The following CATSPER3 variants were observed in gnomAD, a reference collection of about 807,000 sequenced individuals.
CATSPER3 encodes cation channel sperm-associated protein 3.
A neutral mutation model predicts 36.6 loss-of-function variants in CATSPER3; 23 were observed. That is an observed-to-expected ratio of 0.63 (90% CI 0.45 to 0.89). The LOEUF (loss-of-function observed/expected upper bound fraction) is 0.89. Among genes scored for constraint, CATSPER3 ranks in the 40% least tolerant of loss-of-function variants. CATSPER3 has a pLI of 0.00. For synonymous variants in CATSPER3, 172 were observed against 184.1 expected, an observed-to-expected ratio of 0.93 and a Z score of 0.53; for missense variants, 474 against 503.9, an observed-to-expected ratio of 0.94 and a Z score of 0.57.
chr5:135,000,495 GTA>G (rs1213927550), intron 3 of CATSPER3, among the ~76,000 whole-genome samples: 17 of 152,210 alleles, frequency 1.1e-4, no homozygotes, highest in Admixed American at 1.0e-3. Context: ...AGAAGGAATG[GTA>G]CCAGCTCCTC....
chr5:135,010,123 G>A (rs544280461), intron 6 of CATSPER3, among the ~76,000 whole-genome samples: 3 of 152,274 alleles, frequency 2.0e-5, no homozygotes, highest in Admixed American at 6.5e-5. Context: ...CCCAAGGTTC[G>A]TCCAGGGTTG....
chr5:134,978,324 G>T (rs1396241851), intron 2 of CATSPER3, among the ~76,000 whole-genome samples: 1 of 152,130 alleles, frequency 6.6e-6, no homozygotes, highest in Non-Finnish European at 1.5e-5. Flanking sequence ...TTATCACAAA[G>T]AAATGGCGTG....
At chr5:134,985,228 T>G (rs933480672) in intron 2 of CATSPER3, among the ~76,000 whole-genome samples, 1 of 152,204 alleles carries the variant, frequency 6.6e-6, no homozygotes, top group African/African-American at 2.4e-5. Context: ...ATATACACGA[T>G]GAAATACTAC....
At chr5:134,985,592 CA>C (rs966955100) in intron 2 of CATSPER3, among the ~76,000 whole-genome samples, 4 of 152,032 alleles carry the variant, frequency 2.6e-5, no homozygotes, top group Non-Finnish European at 4.4e-5. Flanking sequence ...CCCATGTAAC[CA>C]AAAACCATGT....
At chr5:134,973,962 A>G (rs1580902084) in intron 2 of CATSPER3, among the ~76,000 whole-genome samples, 2 of 152,222 alleles carry the variant, frequency 1.3e-5, no homozygotes, top group South Asian at 2.1e-4. Flanking sequence ...CTGAGTAAGC[A>G]TATAGTAGGT....
At chr5:135,008,200 G>A (rs1580916329) in intron 4 of CATSPER3, 61 bp downstream of exon 4, 7 of 1,400,630 alleles carry the variant, frequency 5.0e-6, no homozygotes, top group Non-Finnish European at 6.1e-6. Context: ...CCTAGGTGGT[G>A]CAAGCGTGTG....
rs913314268 is a variant in CATSPER3 at position 135,007,889 on chromosome 5, G to A, written c.493-68G>A. On this transcript the variant is annotated intron_variant, in intron 3 of 7. Transcript: ENST00000282611. Reference sequence around the variant, plus strand: ...GGACAGCTGTGAACTGGGCAGAATGGACCTCTGTCCCTGGAGCCCACCCAG... The same window carrying A: ...GGACAGCTGTGAACTGGGCAGAATGAACCTCTGTCCCTGGAGCCCACCCAG... The A allele has an allele frequency of 9.8e-6, 13 of 1,333,098 alleles. No homozygotes were observed. The African/African-American group carries it at 1.3e-4, about 14-fold the overall frequency. The allele number at this position is 1,333,098 out of a possible 1,614,324, so 82.6% of individuals were successfully genotyped here. A position where few individuals can be genotyped will look rare whatever the true frequency, so the allele number is the denominator to read the frequency against.
At chr5:134,971,453 G>C (rs1287297022) in intron 2 of CATSPER3, among the ~76,000 whole-genome samples, 1 of 152,024 alleles carries the variant, frequency 6.6e-6, no homozygotes, top group Non-Finnish European at 1.5e-5. Context: ...GAGCAACTAG[G>C]TAGCAAAGCC....
intron 3 of CATSPER3, among the ~76,000 whole-genome samples, chr5:135,005,862 G>C (rs1377520929): frequency 2.0e-5 from 3 of 152,198 alleles, no homozygotes; most frequent in African/African-American, 7.2e-5. Context: ...CCTGGGGCCA[G>C]ATCATCTTCC....
At chr5:134,985,745 T>G (rs748539536) in intron 2 of CATSPER3, among the ~76,000 whole-genome samples, 13 of 142,108 alleles carry the variant, frequency 9.1e-5, no homozygotes, top group Non-Finnish European at 1.4e-4. Context: ...CCCCATCTAT[T>G]AAAAAAAAAA....
intron 7 of CATSPER3, 87 bp downstream of exon 7, chr5:135,010,617 A>G: frequency 5.1e-6 from 6 of 1,168,072 alleles, no homozygotes; most frequent in Non-Finnish European, 7.7e-6. Context: ...GAAGGGGGTG[A>G]TGACTGAAGT....
At chr5:135,005,809 C>T (rs1752079012) in intron 3 of CATSPER3, among the ~76,000 whole-genome samples, 1 of 152,220 alleles carries the variant, frequency 6.6e-6, no homozygotes, top group Admixed American at 6.5e-5. Context: ...AGATGCTGGG[C>T]TGTGATGTGA....
At position 135,003,558 on chromosome 5, in the gene CATSPER3, C is replaced by T. The variant is rs898038602; in HGVS notation, c.493-4399C>T. On this transcript the variant is annotated intron_variant, in intron 3 of 7. Coordinates refer to ENST00000282611, the MANE Select transcript of CATSPER3 (RefSeq NM_178019.3). ...TATGCCCTGCCCTCAGAGGTGGAGT[C>T]TACAGAGGCAGGCAGGCCTCCTTGA... Among the ~76,000 whole-genome samples, 4 of 152,344 alleles carry T rather than the reference C, an allele frequency of 2.6e-5. No individual in the cohort carries two copies. In the Middle Eastern group the frequency reaches 0.01, roughly 389 times the overall value.
rs757373052 is a variant in CATSPER3 at position 134,970,023 on chromosome 5, A to G, written c.183A>G (p.Thr61=). The G allele has an allele frequency of 3.1e-6, 5 of 1,614,046 alleles. No individual in the cohort carries two copies. The East Asian group carries it at 6.7e-5, about 22-fold the overall frequency. ...AGATAATTATGATTAGCACTGTCACATCGAATGCGTTTTTTATGGCCTTGT... is the reference window on the plus strand; with the variant it reads ...AGATAATTATGATTAGCACTGTCACGTCGAATGCGTTTTTTATGGCCTTGT... ...FFKIIMISTV[T]SNAFFMALWT... The change falls in exon 2 of 8, where the codon ACA becomes ACG. Residue 61 remains threonine, a synonymous_variant. Transcript: ENST00000282611.
At chr5:134,977,303 G>A (rs1751685942) in intron 2 of CATSPER3, among the ~76,000 whole-genome samples, 1 of 152,294 alleles carries the variant, frequency 6.6e-6, no homozygotes, top group East Asian at 1.9e-4. Flanking sequence ...ATCATAGGCT[G>A]TTAGAAGCAG....
chr5:134,970,166 T>A, intron 2 of CATSPER3, 74 bp downstream of exon 2: 1 of 1,491,946 alleles, frequency 6.7e-7, no homozygotes, highest in East Asian at 2.3e-5. Context: ...TATAAGATTT[T>A]TTTTTTTTTC....
At chr5:134,970,699 G>A (rs1208002798) in intron 2 of CATSPER3, among the ~76,000 whole-genome samples, 1 of 151,396 alleles carries the variant, frequency 6.6e-6, no homozygotes, top group Non-Finnish European at 1.5e-5. Flanking sequence ...AGCCGACTGA[G>A]TAGCTGGGAT....
At chr5:134,994,384 T>G (rs1192162103) in intron 2 of CATSPER3, among the ~76,000 whole-genome samples, 1 of 152,218 alleles carries the variant, frequency 6.6e-6, no homozygotes, top group African/African-American at 2.4e-5. Context: ...TATTTCATAT[T>G]TGTCACATTG....
At chr5:134,994,130 A>G (rs1463989188) in intron 2 of CATSPER3, among the ~76,000 whole-genome samples, 1 of 152,204 alleles carries the variant, frequency 6.6e-6, no homozygotes, top group Non-Finnish European at 1.5e-5. Flanking sequence ...GTCTCAAAAA[A>G]AACTATAAAA....
Sources: allele counts gnomAD v4.1 joint callset (sites outside exome capture counted in the v4.1 genomes callset), GRCh38; gene constraint gnomAD v4.1.1; transcripts MANE v1.5; gene names NCBI Gene and HGNC (gene_info 2026-07-23, HGNC 2026-07-21).